The following SREK1 variants were observed in gnomAD, a reference collection of about 807,000 sequenced individuals.
The protein encoded by SREK1 is splicing regulatory glutamic acid and lysine rich protein 1.
A neutral mutation model predicts 66.5 loss-of-function variants in SREK1; 13 were observed. The observed-to-expected ratio is 0.20, with a 90% CI of 0.13 to 0.31. The LOEUF is 0.31. Among genes scored for constraint, SREK1 ranks in the 10% least tolerant of loss-of-function variants. The pLI is 1.00. For missense variants in SREK1, 607 were observed against 769.6 expected (o/e 0.79, Z 2.50); for synonymous variants, 265 against 263.5 (o/e 1.01, Z -0.05).
At chr5:66,156,713 C>G (rs1198853121) in intron 2 of SREK1, 1 of 984,852 alleles carries the variant, frequency 1.0e-6, no homozygotes, top group African/African-American at 1.8e-5. Flanking sequence ...AAAGAAGAGC[C>G]TTTCATTTTT....
At chr5:66,158,459 A>C (rs1744473149) in intron 2 of SREK1, 1 of 153,082 alleles carries the variant, frequency 6.5e-6, no homozygotes, top group Non-Finnish European at 1.5e-5. Flanking sequence ...GTAGTTTCCC[A>C]AGGCATATTT....
At position 66,144,546 on chromosome 5, in the gene SREK1, T is replaced by C; in HGVS notation, c.161+9T>C. 1 of 1,547,900 alleles carries C rather than the reference T, an allele frequency of 6.5e-7. No homozygotes were observed. Among genetic ancestry groups the C allele is most frequent in the Non-Finnish European group, 8.7e-7 (1 of 1,144,914 alleles). On this transcript the variant is annotated intron_variant, in intron 1 of 11. Coordinates refer to ENST00000334121, the MANE Select transcript of SREK1 (RefSeq NM_001077199.3). ...CGGCTCTACCCCCCGGAGTAAGTGC[T>C]GGAGCTCGGCTGGGGGAGGGGCGCG...
At position 66,178,841 on chromosome 5, in the gene SREK1, C is replaced by T. The variant is rs1189173095; in HGVS notation, c.1848C>T (p.Asn616=). Residue 616 remains asparagine (N), a synonymous_variant, in exon 12 of 12, where the codon AAC becomes AAT. Transcript: ENST00000334121. ...HNGNCQLNEE[N]LSTKTEAV Reference sequence around the variant, plus strand: ...GGAATTGTCAGCTGAATGAAGAAAACCTCTCTACCAAAACAGAAGCAGTAT... The same window carrying T: ...GGAATTGTCAGCTGAATGAAGAAAATCTCTCTACCAAAACAGAAGCAGTAT... 2.5e-6 allele frequency: 4 copies of T among 1,612,288 alleles called. No homozygotes were observed. In the Admixed American group the frequency reaches 5.0e-5, roughly 20 times the overall value.
At chr5:66,145,564 C>T (rs1464211274) in intron 1 of SREK1, among the ~76,000 whole-genome samples, 1 of 151,916 alleles carries the variant, frequency 6.6e-6, no homozygotes, top group Non-Finnish European at 1.5e-5. Flanking sequence ...TGTTGCATAA[C>T]TATATAAAAG....
At chr5:66,164,448 C>A in intron 6 of SREK1, 1 of 640,348 alleles carries the variant, frequency 1.6e-6, no homozygotes, top group Non-Finnish European at 2.3e-6. Flanking sequence ...TCTAAATCAA[C>A]ACTTAGAATT....
At chr5:66,164,131 G>T in intron 6 of SREK1, 1 of 521,032 alleles carries the variant, frequency 1.9e-6, no homozygotes, top group Non-Finnish European at 3.2e-6. Flanking sequence ...AGGCACTTTA[G>T]TCTGAGCTAA....
At chr5:66,177,682 TG>T in intron 11 of SREK1, 24 bp downstream of exon 11, 3 of 1,571,368 alleles carry the variant, frequency 1.9e-6, no homozygotes, top group Non-Finnish European at 1.7e-6. Flanking sequence ...ATTCGGTGTC[TG>T]GCACTTGAAA....
chr5:66,171,005 AT>A (rs978828859), intron 9 of SREK1, 58 bp downstream of exon 9: 1 of 1,540,274 alleles, frequency 6.5e-7, no homozygotes, highest in Non-Finnish European at 8.7e-7. Flanking sequence ...TGGAAACAAA[AT>A]TTTTTACGGA....
At chr5:66,156,216 A>T in intron 2 of SREK1, 1 of 1,281,916 alleles carries the variant, frequency 7.8e-7, no homozygotes, top group Non-Finnish European at 9.8e-7. Flanking sequence ...TCTGTTTTTT[A>T]TTGTTTTACT....
At chr5:66,165,623 T>C (rs1745105833) in intron 7 of SREK1, 1 of 152,236 alleles carries the variant, frequency 6.6e-6, no homozygotes, top group African/African-American at 2.4e-5. Context: ...CTAAAGATCA[T>C]TACTAAAGTT....
At chr5:66,165,906 T>G (rs1561507958) in intron 7 of SREK1, 1 of 152,108 alleles carries the variant, frequency 6.6e-6, no homozygotes. Flanking sequence ...ATCAAGGAGA[T>G]TCAAAGAATG....
In SREK1 at chr5:66,183,449, AGT is replaced by A. The variant is rs773744730; in HGVS notation, c.*4584_*4585del. On this transcript the variant is annotated 3_prime_UTR_variant, in exon 12 of 12. Transcript: ENST00000334121. ...TCCTTAATGATTAGATTAATAGAAC[AGT>A]GTTAGATTATCAAGGGAAGAGTTTG... 3.3e-5 allele frequency: 5 copies of A among 152,184 alleles called. No individual in the cohort carries two copies. Among genetic ancestry groups the A allele is most frequent in the African/African-American group, 4.8e-5 (2 of 41,440 alleles). The allele number at this position is 152,184 out of a possible 1,614,324, so 9.4% of individuals were successfully genotyped here. A position where few individuals can be genotyped will look rare whatever the true frequency, so the allele number is the denominator to read the frequency against.
intron 1 of SREK1, among the ~76,000 whole-genome samples, chr5:66,146,690 C>A (rs924519655): frequency 6.6e-6 from 1 of 151,194 alleles, no homozygotes; most frequent in Non-Finnish European, 1.5e-5. Flanking sequence ...TTGCCTGGTC[C>A]TTATATTAGA....
chr5:66,156,747 T>G, intron 2 of SREK1: 1 of 985,438 alleles, frequency 1.0e-6, no homozygotes, highest in Non-Finnish European at 1.2e-6. Flanking sequence ...ATCATATAAC[T>G]TATTTCCTTG....
chr5:66,173,619 CTT>C (rs1745826589), intron 9 of SREK1, among the ~76,000 whole-genome samples: 1 of 152,198 alleles, frequency 6.6e-6, no homozygotes, highest in Non-Finnish European at 1.5e-5. Context: ...TCTATGGAGA[CTT>C]TCCTCTCATT....
Position 66,163,837 on chromosome 5 carries a change from A to T in SREK1, c.801A>T (p.Thr267=). The change falls in exon 6 of 12, where the codon ACA becomes ACT. Residue 267 remains threonine (T), a synonymous_variant. Coordinates refer to ENST00000334121, the MANE Select transcript of SREK1 (RefSeq NM_001077199.3). The part of the protein sequence containing the change: ...NNAIVKPPEM[T]PQAAAKELEE... Reference sequence around the variant, plus strand: ...CAATAGTAAAACCCCCTGAGATGACACCTCAGGCTGCAGCTAAGGAGTTAG... The same window carrying T: ...CAATAGTAAAACCCCCTGAGATGACTCCTCAGGCTGCAGCTAAGGAGTTAG... The T allele has an allele frequency of 6.2e-7, 1 of 1,613,764 alleles. No individual in the cohort carries two copies. The highest frequency in any genetic ancestry group is 8.5e-7 in the Non-Finnish European group (1 of 1,179,718).
In SREK1 at chr5:66,177,523, G is replaced by A; in HGVS notation, c.1590G>A (p.Lys530=). 1 of 1,585,230 alleles carries A rather than the reference G, an allele frequency of 6.3e-7. No individual in the cohort carries two copies. The highest frequency in any genetic ancestry group is 8.6e-7 in the Non-Finnish European group (1 of 1,167,828). ...ATCAATATTCTTATAGCAGAAATAA[G>A]AAGGATAAAAAGAGAGAAAAAGAAA... ...SRSPSPRSRN[K]KDKKREKERD... Residue 530 remains lysine (K), a synonymous_variant, in exon 11 of 12, where the codon AAG becomes AAA. Transcript: ENST00000334121.
At chr5:66,145,224 G>A (rs1743068251) in intron 1 of SREK1, 1 of 955,248 alleles carries the variant, frequency 1.0e-6, no homozygotes, top group Non-Finnish European at 1.2e-6. Flanking sequence ...TACATTTAAA[G>A]TCCAGATCTT....
chr5:66,154,572 A>G (rs1744118845), intron 2 of SREK1, among the ~76,000 whole-genome samples: 1 of 152,212 alleles, frequency 6.6e-6, no homozygotes. Flanking sequence ...ACATTAAAAT[A>G]ATATATAATA....
Sources: allele counts gnomAD v4.1 joint callset (sites outside exome capture counted in the v4.1 genomes callset), GRCh38; gene constraint gnomAD v4.1.1; transcripts MANE v1.5; gene names NCBI Gene and HGNC (gene_info 2026-07-23, HGNC 2026-07-21).